Variants in UST observed in about 807,000 individuals in gnomAD.
UST encodes the protein chondroitin sulfate 2-O-sulfotransferase.
Under a neutral mutation model 45.6 loss-of-function variants are expected in UST, and 21 were observed. The ratio of observed to expected loss-of-function variants is 0.46; its 90% CI spans 0.33 to 0.66. The LOEUF (loss-of-function observed/expected upper bound fraction) is 0.66, where lower values mean the gene tolerates loss of function less well. Ranked by LOEUF, UST falls within the 30% of genes least tolerant of loss-of-function variation. The pLI is 0.02. For missense variants in UST, 463 were observed against 512.4 expected, an observed-to-expected ratio of 0.90 and a Z score of 0.93; for synonymous variants, 215 against 200.6, an observed-to-expected ratio of 1.07 and a Z score of -0.61.
At chr6:149,056,745 C>T (rs1776571885) in intron 7 of UST, among the ~76,000 whole-genome samples, 2 of 152,186 alleles carry the variant, frequency 1.3e-5, no homozygotes, top group Admixed American at 1.3e-4. Context: ...AGATAAAGTA[C>T]ATTTAATTTT....
At chr6:148,763,462 T>TTGTTTACTC (rs1448227352) in intron 1 of UST, among the ~76,000 whole-genome samples, 1 of 152,152 alleles carries the variant, frequency 6.6e-6, no homozygotes, top group African/African-American at 2.4e-5. Context: ...TGCAAGTTGT[T>TTGTTTACTC]TGTTTACTCT....
At chr6:148,983,657 A>G (rs900603771) in intron 5 of UST, among the ~76,000 whole-genome samples, 1 of 152,260 alleles carries the variant, frequency 6.6e-6, no homozygotes, top group African/African-American at 2.4e-5. Flanking sequence ...AATGTAGGAA[A>G]TAAAATGTCA....
At chr6:149,069,732 A>G (rs1013170767) in intron 7 of UST, among the ~76,000 whole-genome samples, 1 of 152,238 alleles carries the variant, frequency 6.6e-6, no homozygotes, top group African/African-American at 2.4e-5. Context: ...AAAGAAATGT[A>G]TAAACCCATT....
chr6:148,920,960 C>T (rs373040565), intron 2 of UST, among the ~76,000 whole-genome samples: 4 of 152,196 alleles, frequency 2.6e-5, no homozygotes, highest in Admixed American at 2.0e-4. Flanking sequence ...CCTCTACCAG[C>T]GAGTGTTATA....
chr6:148,898,555 C>T (rs1108108), intron 2 of UST, among the ~76,000 whole-genome samples: 114,289 of 152,156 alleles, frequency 0.75, 43,453 homozygotes, highest in Non-Finnish European at 0.79. Context: ...CAGTGGAGAT[C>T]CATGTCCAAG....
Position 148,747,218 on chromosome 6 carries a change from G to A in UST, c.-213G>A, listed in dbSNP as rs1775880681. 2.4e-6 allele frequency: 1 copy of A among 412,752 alleles called. No individual in the cohort carries two copies. The highest frequency in any genetic ancestry group is 3.9e-6 in the Non-Finnish European group (1 of 254,854). The allele number at this position is 412,752 out of a possible 1,614,324, so 25.6% of individuals were successfully genotyped here. A position where few individuals can be genotyped will look rare whatever the true frequency, so the allele number is the denominator to read the frequency against. ...CGTCACGGGCAGCGCCCCGAACCGG[G>A]GCCGGACACCTCGGCCGCTCGGGCC... On this transcript the variant is annotated 5_prime_UTR_variant, in exon 1 of 8. Coordinates refer to ENST00000367463, the MANE Select transcript of UST (RefSeq NM_005715.3).
intron 7 of UST, among the ~76,000 whole-genome samples, chr6:149,070,740 A>G (rs547791097): frequency 4.0e-5 from 6 of 150,414 alleles, no homozygotes; most frequent in South Asian, 2.1e-4. Context: ...ATTACAAACA[A>G]TCCAGTTATG....
intron 4 of UST, chr6:148,956,142 C>T (rs2114944392): frequency 6.6e-6 from 1 of 152,164 alleles, no homozygotes; most frequent in East Asian, 1.9e-4. Context: ...TCTCTGTTTT[C>T]TATTTTTCCA....
intron 3 of UST, among the ~76,000 whole-genome samples, chr6:148,952,537 G>A (rs555870598): frequency 6.6e-5 from 10 of 152,122 alleles, no homozygotes; most frequent in Non-Finnish European, 1.0e-4. Context: ...TCTATAAAGC[G>A]TGTACTAGTT....
At chr6:148,900,389 G>T (rs1375411122) in intron 2 of UST, among the ~76,000 whole-genome samples, 1 of 152,150 alleles carries the variant, frequency 6.6e-6, no homozygotes, top group African/African-American at 2.4e-5. Context: ...GGGACCCAGT[G>T]GGAGGCAATT....
intron 2 of UST, among the ~76,000 whole-genome samples, chr6:148,937,351 G>A (rs535995145): frequency 2.6e-5 from 4 of 152,190 alleles, no homozygotes; most frequent in East Asian, 3.9e-4. Flanking sequence ...AGTTATTATC[G>A]TAGACCCAGC....
chr6:148,869,412 G>T (rs1452366289), intron 1 of UST, among the ~76,000 whole-genome samples: 3 of 152,132 alleles, frequency 2.0e-5, no homozygotes, highest in South Asian at 2.1e-4. Flanking sequence ...ACACCATCAG[G>T]CTCATGTGTT....
At chr6:148,752,928 G>T (rs1391115454) in intron 1 of UST, among the ~76,000 whole-genome samples, 3 of 151,888 alleles carry the variant, frequency 2.0e-5, no homozygotes, top group Admixed American at 1.3e-4. Context: ...AATTAATTTT[G>T]TCATAAATAT....
intron 5 of UST, among the ~76,000 whole-genome samples, chr6:148,974,052 G>A (rs114433787): frequency 0.015 from 2,356 of 152,278 alleles, 68 homozygotes; most frequent in African/African-American, 0.055. Context: ...TGAAGGACAG[G>A]ACTAAAATAC....
chr6:148,966,306 G>A (rs994723552), intron 5 of UST, among the ~76,000 whole-genome samples: 6 of 152,078 alleles, frequency 3.9e-5, no homozygotes, highest in South Asian at 2.1e-4. Flanking sequence ...TTGGTGAGAC[G>A]TGTATTCAGA....
chr6:148,886,850 A>G, intron 1 of UST, 136 bp from the exon 2 acceptor site: 1 of 741,314 alleles, frequency 1.3e-6, no homozygotes, highest in Non-Finnish European at 2.4e-6. Context: ...ACCAGTGATT[A>G]ATTCCCCATT....
At chr6:148,925,227 C>T (rs149687115) in intron 2 of UST, among the ~76,000 whole-genome samples, 239 of 152,166 alleles carry the variant, frequency 1.6e-3, no homozygotes, top group Non-Finnish European at 2.7e-3. Context: ...CAGAAGAGCC[C>T]ACCGATTAAA....
At position 148,869,627 on chromosome 6, in the gene UST, G is replaced by A. The variant is rs74533530; in HGVS notation, c.248-17359G>A. 1.5e-3 allele frequency among the ~76,000 whole-genome samples: 226 copies of A among 152,270 alleles called. 2 individuals carry two copies. The highest frequency in any genetic ancestry group is 7.5e-3 in the East Asian group (39 of 5,186). On this transcript the variant is annotated intron_variant, in intron 1 of 7. Transcript: ENST00000367463. ...CCCACAACATCTGTATAAGACCGAC[G>A]CTGGCATCAAACGCATTTCATCCAC...
At chr6:148,877,615 A>G (rs1253376875) in intron 1 of UST, among the ~76,000 whole-genome samples, 5 of 96,014 alleles carry the variant, frequency 5.2e-5, no homozygotes, top group African/African-American at 2.2e-4. Context: ...TGGGTCGTGT[A>G]TGAGTGTGAG....
Sources: gnomAD v4.1 joint callset for allele counts (sites outside exome capture counted in the v4.1 genomes callset) on GRCh38, gnomAD v4.1.1 for gene constraint, MANE v1.5 for transcripts, NCBI Gene and HGNC (gene_info 2026-07-23, HGNC 2026-07-21) for gene names.